The following CCDC148 variants were observed in gnomAD, a reference collection of about 807,000 sequenced individuals.
The protein encoded by CCDC148 is coiled-coil domain-containing protein 148.
A neutral mutation model predicts 85.7 loss-of-function variants in CCDC148; 89 were observed. The ratio of observed to expected loss-of-function variants is 1.04; its 90% confidence interval spans 0.87 to 1.24. The LOEUF (loss-of-function observed/expected upper bound fraction) is 1.24, where lower values mean the gene tolerates loss of function less well. CCDC148 is among the 50% of genes most tolerant of loss of function. The pLI is 0.00. For missense variants in CCDC148, 692 were observed against 671.7 expected (o/e 1.03, Z -0.33); for synonymous variants, 230 against 213.9 (o/e 1.08, Z -0.66).
intron 1 of CCDC148, among the ~76,000 whole-genome samples, chr2:158,376,308 T>C (rs1460538459): frequency 1.3e-5 from 2 of 151,970 alleles, no homozygotes; most frequent in African/African-American, 2.4e-5. Flanking sequence ...AAAAAAATCC[T>C]CAGAAAGTTA....
chr2:158,230,191 C>T (rs1195244868), intron 10 of CCDC148, among the ~76,000 whole-genome samples: 3 of 152,088 alleles, frequency 2.0e-5, no homozygotes, highest in East Asian at 3.8e-4. Context: ...AAAAATAAAG[C>T]CTCTGTCTTG....
intron 11 of CCDC148, among the ~76,000 whole-genome samples, chr2:158,189,127 C>T (rs574974670): frequency 3.3e-5 from 5 of 151,932 alleles, no homozygotes; most frequent in East Asian, 1.9e-4. Flanking sequence ...AAAGGGAACA[C>T]TTATACATTG....
chr2:158,177,125 C>T (rs1048032603), intron 12 of CCDC148, among the ~76,000 whole-genome samples: 2 of 151,814 alleles, frequency 1.3e-5, no homozygotes, highest in East Asian at 1.9e-4. Flanking sequence ...GCATATAATT[C>T]TTGGGTCAAG....
At chr2:158,284,138 A>T in intron 9 of CCDC148, among the ~76,000 whole-genome samples, 2 of 78,804 alleles carry the variant, frequency 2.5e-5, no homozygotes, top group African/African-American at 9.9e-5. Context: ...GGGTGGGGGG[A>T]GGGGGAGGGA....
At chr2:158,305,049 AT>A (rs1264235768) in intron 9 of CCDC148, among the ~76,000 whole-genome samples, 1 of 152,124 alleles carries the variant, frequency 6.6e-6, no homozygotes, top group Non-Finnish European at 1.5e-5. Flanking sequence ...CACAAAAAAA[AT>A]ATCAGAGTCA....
chr2:158,256,914 A>G (rs993182535), intron 9 of CCDC148, among the ~76,000 whole-genome samples: 1 of 151,774 alleles, frequency 6.6e-6, no homozygotes, highest in African/African-American at 2.4e-5. Context: ...TGCAAACTTA[A>G]TAAGGGCAGG....
At chr2:158,399,069 A>G (rs568750416) in intron 1 of CCDC148, among the ~76,000 whole-genome samples, 1 of 152,166 alleles carries the variant, frequency 6.6e-6, no homozygotes, top group Non-Finnish European at 1.5e-5. Context: ...TCCTAAGACT[A>G]AACCTGGAAG....
chr2:158,327,589 T>C (rs1395809515), intron 7 of CCDC148, among the ~76,000 whole-genome samples: 4 of 152,190 alleles, frequency 2.6e-5, no homozygotes, highest in African/African-American at 9.6e-5. Flanking sequence ...GATCTGTTCA[T>C]GGCAACATGC....
At chr2:158,442,472 T>C (rs1307676552) in intron 1 of CCDC148, among the ~76,000 whole-genome samples, 1 of 152,128 alleles carries the variant, frequency 6.6e-6, no homozygotes, top group Non-Finnish European at 1.5e-5. Flanking sequence ...AAACAGGAAA[T>C]GTACTGGGAG....
At chr2:158,407,133 T>C (rs10933480) in intron 1 of CCDC148, among the ~76,000 whole-genome samples, 109,035 of 151,924 alleles carry the variant, frequency 0.72, 39,933 homozygotes, top group East Asian at 0.82. Flanking sequence ...GCCTGGGCTT[T>C]TGATACAATC....
chr2:158,215,431 G>A lies in CCDC148; in HGVS notation c.1370+5164C>T, dbSNP rs550162852. Among the ~76,000 whole-genome samples, 8 of 152,264 alleles carry A rather than the reference G, an allele frequency of 5.3e-5. No homozygotes were observed. In the South Asian group the frequency reaches 8.3e-4, roughly 16 times the overall value. On this transcript the variant is annotated intron_variant, in intron 11 of 13. Transcript: ENST00000283233. ...AAGTATGACATCCAGCTTTGCCTCT[G>A]CTTGTCAAGCTGTATGCCATGGTTC...
rs4474844 is a variant in CCDC148, at chr2:158,260,539, G to A, written c.1111-9627C>T. 4.5e-3 allele frequency among the ~76,000 whole-genome samples: 677 copies of A among 152,068 alleles called. 4 individuals are homozygous for A. Among genetic ancestry groups the A allele is most frequent in the African/African-American group, 0.015 (630 of 41,506 alleles). ...CAATAAGGTAACAGAAAGAAATAAA[G>A]GGCATCCAAATAGAAAGAGAGGAAG... On this transcript the variant is annotated intron_variant, in intron 9 of 13. Transcript: ENST00000283233.
chr2:158,309,695 G>T, intron 8 of CCDC148, 56 bp from the exon 9 acceptor site: 1 of 1,179,350 alleles, frequency 8.5e-7, no homozygotes, highest in Non-Finnish European at 1.2e-6. Flanking sequence ...CTTACATTTT[G>T]CATCATTGTT....
intron 1 of CCDC148, among the ~76,000 whole-genome samples, chr2:158,442,535 C>T (rs1317993967): frequency 1.3e-5 from 2 of 152,134 alleles, no homozygotes; most frequent in African/African-American, 4.8e-5. Context: ...GGAACATCAC[C>T]CACAAATTAT....
chr2:158,342,258 G>A (rs1326660817), intron 3 of CCDC148, among the ~76,000 whole-genome samples: 3 of 151,836 alleles, frequency 2.0e-5, no homozygotes, highest in African/African-American at 7.3e-5. Context: ...TCAAACTCCT[G>A]ACCTCAGGTG....
At chr2:158,346,890 T>C (rs1276050834) in intron 2 of CCDC148, among the ~76,000 whole-genome samples, 4 of 152,136 alleles carry the variant, frequency 2.6e-5, no homozygotes, top group East Asian at 3.9e-4. Context: ...GATTCAAAAT[T>C]AGGGGTATAA....
At chr2:158,232,193 GT>G (rs1359494813) in intron 10 of CCDC148, among the ~76,000 whole-genome samples, 3 of 152,064 alleles carry the variant, frequency 2.0e-5, no homozygotes, top group Admixed American at 2.0e-4. Flanking sequence ...CTTCTGATTT[GT>G]ATTGAATGCA....
chr2:158,295,905 T>C (rs1691165429), intron 9 of CCDC148, among the ~76,000 whole-genome samples: 1 of 152,052 alleles, frequency 6.6e-6, no homozygotes, highest in African/African-American at 2.4e-5. Flanking sequence ...AAATAAAGGG[T>C]ATTCAATTAG....
At chr2:158,410,219 CT>C (rs1686201406) in intron 1 of CCDC148, among the ~76,000 whole-genome samples, 1 of 152,138 alleles carries the variant, frequency 6.6e-6, no homozygotes, top group African/African-American at 2.4e-5. Flanking sequence ...TTTTTCCAAC[CT>C]TTCATTTTCA....
Sources: allele counts gnomAD v4.1 joint callset (sites outside exome capture counted in the v4.1 genomes callset), GRCh38; gene constraint gnomAD v4.1.1; transcripts MANE v1.5; gene names NCBI Gene and HGNC (gene_info 2026-07-23, HGNC 2026-07-21).